The following CYLC1 variants were observed in gnomAD, a reference collection of about 807,000 sequenced individuals.
The protein encoded by CYLC1 is cylicin-1.
CYLC1 carries 2 observed loss-of-function variants against 31.6 expected under a neutral mutation model. The observed-to-expected ratio is 0.06, with a 90% CI of 0.03 to 0.20. CYLC1 has a LOEUF of 0.20. Among genes scored for constraint, CYLC1 ranks in the 10% least tolerant of loss-of-function variants. The pLI, the probability that CYLC1 is intolerant of heterozygous loss-of-function variation, is 1.00. For synonymous variants in CYLC1, 185 were observed against 153.0 expected (o/e 1.21, Z -1.54); for missense variants, 595 against 424.1 (o/e 1.40, Z -3.54).
chrX:83,877,922 A>ATC (rs2031801561), intron 4 of CYLC1, among the ~76,000 whole-genome samples: 1 of 81,790 alleles, frequency 1.2e-5, no homozygotes, highest in Non-Finnish European at 2.2e-5. Context: ...ATATATATAT[A>ATC]TATAAATATA....
At position 83,873,339 on chromosome X, in the gene CYLC1, A is replaced by C. The variant is rs1325589538; in HGVS notation, c.631A>C (p.Thr211Pro). 4 of 1,202,864 alleles carry C rather than the reference A, an allele frequency of 3.3e-6. No individual in the cohort carries two copies. Among genetic ancestry groups the C allele is most frequent in the Admixed American group, 2.2e-5 (1 of 45,381 alleles). ...KDSKNSKKTN[T>P]EFLHTKNNPK... ...TTCAAAGAATTCCAAGAAGACAAAC[A>C]CTGAATTCCTACATACAAAGAACAA... Residue 211 changes from threonine to proline, a missense_variant, in exon 4 of 5, where the codon ACT (threonine) becomes CCT (proline). Coordinates refer to ENST00000329312, the MANE Select transcript of CYLC1 (RefSeq NM_021118.3).
At chrX:83,878,756 G>C (rs989333576) in intron 4 of CYLC1, among the ~76,000 whole-genome samples, 5 of 105,163 alleles carry the variant, frequency 4.8e-5, no homozygotes, top group African/African-American at 1.7e-4. Context: ...TATTCTAATT[G>C]GATGTCTGGA....
chrX:83,877,457 G>A (rs1351947237), intron 4 of CYLC1, among the ~76,000 whole-genome samples: 1 of 110,464 alleles, frequency 9.1e-6, no homozygotes, highest in Non-Finnish European at 1.9e-5. Flanking sequence ...ACAATCTTTA[G>A]CCCCTACCCA....
intron 1 of CYLC1, chrX:83,864,718 A>G (rs1425056836): frequency 1.6e-5 from 5 of 322,085 alleles, no homozygotes; most frequent in Non-Finnish European, 3.0e-5. Flanking sequence ...AACTTATTTC[A>G]GATTTTTGTC....
chrX:83,881,660 C>G (rs959633500), intron 4 of CYLC1, among the ~76,000 whole-genome samples: 4 of 109,724 alleles, frequency 3.6e-5, no homozygotes, highest in Non-Finnish European at 7.6e-5. Context: ...GAAACATTTT[C>G]GAGATCTTTG....
In CYLC1 at chrX:83,862,652, C is replaced by G. The variant is rs188754486; in HGVS notation, c.17+1453C>G. Among the ~76,000 whole-genome samples the G allele has an allele frequency of 5.3e-5, 6 of 112,741 alleles. No individual in the cohort carries two copies. In the East Asian group the frequency reaches 1.1e-3, roughly 21 times the overall value. On this transcript the variant is annotated intron_variant, in intron 1 of 4. Transcript: ENST00000329312. ...CACTAGCGCTTTTACAAAGACATTT[C>G]TAATTTGATTCTGCCTACATCTGAT...
chrX:83,865,530 A>C (rs1326653318), intron 1 of CYLC1, among the ~76,000 whole-genome samples: 1 of 111,891 alleles, frequency 8.9e-6, no homozygotes, highest in Non-Finnish European at 1.9e-5. Flanking sequence ...TGTGGATTCA[A>C]ATGATAGAAA....
At chrX:83,877,256 C>T (rs747921528) in intron 4 of CYLC1, among the ~76,000 whole-genome samples, 31 of 111,092 alleles carry the variant, frequency 2.8e-4, no homozygotes, top group Non-Finnish European at 5.1e-4. Context: ...TCCATTACTA[C>T]CACCTTCGTT....
intron 4 of CYLC1, among the ~76,000 whole-genome samples, chrX:83,878,384 T>A (rs865790133): frequency 2.8e-5 from 1 of 35,636 alleles, no homozygotes. Context: ...TATATATAAA[T>A]ATATATAAAT....
intron 3 of CYLC1, 133 bp downstream of exon 3, chrX:83,871,703 A>G: frequency 1.1e-5 from 6 of 553,864 alleles, no homozygotes; most frequent in Non-Finnish European, 1.6e-5. Context: ...TTCTCTGTAC[A>G]ACAGACTGCC....
rs763899353 is a variant in CYLC1 at position 83,874,500 on chromosome X, G to A, written c.1792G>A (p.Gly598Ser). 1.8e-5 allele frequency: 22 copies of A among 1,209,906 alleles called. No individual in the cohort carries two copies. In the East Asian group the frequency reaches 6.2e-4, roughly 34 times the overall value. The change falls in exon 4 of 5, where the codon GGT (glycine) becomes AGT (serine). Residue 598 changes from glycine (G) to serine (S), a missense_variant. Coordinates refer to ENST00000329312, the MANE Select transcript of CYLC1 (RefSeq NM_021118.3). The stretch of plus-strand genomic sequence containing the variant: ...TGAAAAAGGGGAAAAAGCAAGTACA[G>A]GTAGAGTTCCTCCATCAAGAGAAAA... ...FNEKGEKAST[G>S]RVPPSREKPP...
At chrX:83,879,335 C>G (rs1289880995) in intron 4 of CYLC1, among the ~76,000 whole-genome samples, 1 of 109,244 alleles carries the variant, frequency 9.2e-6, no homozygotes, top group African/African-American at 3.4e-5. Flanking sequence ...ACACCATTTC[C>G]TTGTACAAGC....
intron 4 of CYLC1, among the ~76,000 whole-genome samples, chrX:83,878,039 AATATAAATATATATATTTGT>A (rs1441706506): frequency 3.1e-5 from 2 of 65,123 alleles, no homozygotes; most frequent in Non-Finnish European, 5.2e-5. Flanking sequence ...TTTGTATATA[AATATAAATATATATATTTGT>A]ATATAAATAT....
chrX:83,869,323 G>T (rs906449013), intron 1 of CYLC1, among the ~76,000 whole-genome samples: 1 of 110,513 alleles, frequency 9.0e-6, no homozygotes, highest in African/African-American at 3.3e-5. Context: ...CAGGTATTAA[G>T]CCTGGTACCC....
intron 3 of CYLC1, among the ~76,000 whole-genome samples, 150 bp from the exon 4 acceptor site, chrX:83,872,718 TACACACACACACACACAC>T (rs61531587): frequency 2.2e-5 from 2 of 92,056 alleles, no homozygotes; most frequent in Admixed American, 2.4e-4. Flanking sequence ...GTCTCTCTCT[TACACACACACACACACAC>T]ACACACACAC....
chrX:83,877,765 G>A (rs1002665741), intron 4 of CYLC1, among the ~76,000 whole-genome samples: 6 of 100,982 alleles, frequency 5.9e-5, no homozygotes, highest in Non-Finnish European at 1.2e-4. Context: ...TACATTATTT[G>A]GCTTCACTGA....
At chrX:83,879,062 G>A (rs896555668) in intron 4 of CYLC1, among the ~76,000 whole-genome samples, 2 of 109,980 alleles carry the variant, frequency 1.8e-5, no homozygotes, top group African/African-American at 3.3e-5. Flanking sequence ...ATTCTCAAAC[G>A]TAAGTGAAGA....
intron 4 of CYLC1, among the ~76,000 whole-genome samples, chrX:83,877,931 TAA>T (rs1288622859): frequency 2.8e-4 from 22 of 78,338 alleles, no homozygotes; most frequent in South Asian, 6.1e-4. Flanking sequence ...TATATAAATA[TAA>T]ATATATATAT....
rs200104709 is a variant in CYLC1, at chrX:83,872,834, A to G, written c.178-52A>G. ...TATAAACTTTTTTATGTTTCAATATAGAAAGATAAAACTCATTCACAAATG... is the reference window on the plus strand; with the variant it reads ...TATAAACTTTTTTATGTTTCAATATGGAAAGATAAAACTCATTCACAAATG... On this transcript the variant is annotated intron_variant, in intron 3 of 4. Transcript: ENST00000329312. The G allele has an allele frequency of 3.6e-4, 319 of 893,550 alleles. No individual in the cohort carries two copies. The Middle Eastern group carries it at 6.1e-3, about 17-fold the overall frequency. The allele number at this position is 893,550 out of a possible 1,213,427, so 73.6% of individuals were successfully genotyped here. A position where few individuals can be genotyped will look rare whatever the true frequency, so the allele number is the denominator to read the frequency against.
Sources: gnomAD v4.1 joint callset for allele counts (sites outside exome capture counted in the v4.1 genomes callset) on GRCh38, gnomAD v4.1.1 for gene constraint, MANE v1.5 for transcripts, NCBI Gene and HGNC (gene_info 2026-07-23, HGNC 2026-07-21) for gene names.